Variants in KCNN2 observed in about 807,000 individuals in gnomAD.
KCNN2 encodes the protein small conductance calcium-activated potassium channel protein 2.
In KCNN2, 24 loss-of-function variants were observed where a neutral mutation model predicts 55.5. That is an observed-to-expected ratio of 0.43 (90% CI 0.31 to 0.61). The LOEUF (loss-of-function observed/expected upper bound fraction) is 0.61. Ranked by LOEUF, KCNN2 falls within the 20% of genes least tolerant of loss-of-function variation. The pLI is 0.08. For synonymous variants in KCNN2, 431 were observed against 336.1 expected (o/e 1.28, Z -3.09); for missense variants, 754 against 853.6 (o/e 0.88, Z 1.45).
intron 2 of KCNN2, among the ~76,000 whole-genome samples, chr5:114,324,025 T>C (rs1015766968): frequency 1.3e-5 from 2 of 152,182 alleles, no homozygotes; most frequent in African/African-American, 4.8e-5. Flanking sequence ...ATTACTATAA[T>C]TATAAACCAA....
intron 3 of KCNN2, among the ~76,000 whole-genome samples, chr5:114,449,579 A>G (rs987000625): frequency 2.0e-5 from 3 of 152,130 alleles, no homozygotes; most frequent in African/African-American, 7.2e-5. Context: ...ATTAGGATGC[A>G]CTGCTGTGGG....
chr5:114,198,627 G>A (rs1753609578), intron 1 of KCNN2, among the ~76,000 whole-genome samples: 2 of 151,886 alleles, frequency 1.3e-5, no homozygotes, highest in African/African-American at 2.4e-5. Context: ...ATACCCAGTA[G>A]TTGGAATGCT....
intron 3 of KCNN2, among the ~76,000 whole-genome samples, chr5:114,410,359 A>G (rs1480247284): frequency 6.6e-6 from 1 of 152,322 alleles, no homozygotes; most frequent in East Asian, 1.9e-4. Flanking sequence ...TGCAACAGGT[A>G]GAACTGGATA....
chr5:114,058,630 A>G (rs908737815), intron 1 of KCNN2, among the ~76,000 whole-genome samples: 1 of 152,202 alleles, frequency 6.6e-6, no homozygotes, highest in Non-Finnish European at 1.5e-5. Flanking sequence ...GGGCTCTACC[A>G]GGAGAAAGAA....
At chr5:114,264,127 T>C (rs999328422) in intron 2 of KCNN2, among the ~76,000 whole-genome samples, 1 of 152,234 alleles carries the variant, frequency 6.6e-6, no homozygotes, top group East Asian at 1.9e-4. Flanking sequence ...TGATCAATTC[T>C]GTCTTGTAGT....
chr5:114,181,771 C>A (rs1051024396), intron 1 of KCNN2, among the ~76,000 whole-genome samples: 6 of 152,096 alleles, frequency 3.9e-5, no homozygotes, highest in Non-Finnish European at 8.8e-5. Context: ...AATCCCAGCA[C>A]TTTGGGAGGC....
intron 2 of KCNN2, among the ~76,000 whole-genome samples, chr5:114,269,395 C>A (rs1311080614): frequency 6.6e-6 from 1 of 152,086 alleles, no homozygotes; most frequent in Admixed American, 6.6e-5. Context: ...CATGGCCTTT[C>A]CTGAAATGAA....
Position 114,241,756 on chromosome 5 carries a change from ATATATAC to A in KCNN2, c.-185+20192_-185+20198del, listed in dbSNP as rs1754636118. ...TACATATATACGTATATATATGTAT[ATATATAC>A]GTATATATATACATATATACGTATA... On this transcript the variant is annotated intron_variant, in intron 2 of 10. Coordinates refer to the KCNN2 transcript ENST00000512097. Among the ~76,000 whole-genome samples, 2 of 22,974 alleles carry A rather than the reference ATATATAC, an allele frequency of 8.7e-5. 1 individual carries two copies. The highest frequency in any genetic ancestry group is 4.4e-4 in the African/African-American group (2 of 4,524). The allele number at this position is 22,974 out of a possible 152,430, so 15.1% of individuals were successfully genotyped here.
At position 114,100,467 on chromosome 5, in the gene KCNN2, C is replaced by G. The variant is rs145600659; in HGVS notation, c.-271+43967C>G. Among the ~76,000 whole-genome samples, 375 of 152,156 alleles carry G rather than the reference C, an allele frequency of 2.5e-3. 6 individuals carry two copies. The highest frequency in any genetic ancestry group is 8.7e-3 in the African/African-American group (359 of 41,496). On this transcript the variant is annotated intron_variant, in intron 1 of 10. Coordinates refer to the KCNN2 transcript ENST00000512097. ...TAATCAAGGAACTAAGTATATTGTTCATGGAAACCAGTGTTCTCACTGCAG... is the reference window on the plus strand; with the variant it reads ...TAATCAAGGAACTAAGTATATTGTTGATGGAAACCAGTGTTCTCACTGCAG...
intron 2 of KCNN2, among the ~76,000 whole-genome samples, chr5:114,372,333 G>A (rs1174048899): frequency 1.3e-5 from 2 of 152,224 alleles, no homozygotes; most frequent in East Asian, 1.9e-4. Context: ...TTGTTGTTGA[G>A]CCATCTGCTC....
At chr5:114,390,883 C>CT (rs2150063353) in intron 2 of KCNN2, among the ~76,000 whole-genome samples, 1 of 152,162 alleles carries the variant, frequency 6.6e-6, no homozygotes, top group Admixed American at 6.5e-5. Flanking sequence ...CATGCATTGC[C>CT]TTTTTTGGGA....
Position 114,375,976 on chromosome 5 carries a change from A to G in KCNN2, c.1218+11975A>G, listed in dbSNP as rs990574154. 5.1e-4 allele frequency among the ~76,000 whole-genome samples: 73 copies of G among 143,136 alleles called. 1 individual carries two copies. Among genetic ancestry groups the G allele is most frequent in the African/African-American group, 1.5e-3 (60 of 38,760 alleles). The allele number at this position is 143,136 out of a possible 152,430, so 93.9% of individuals were successfully genotyped here. A position where few individuals can be genotyped will look rare whatever the true frequency, so the allele number is the denominator to read the frequency against. On this transcript the variant is annotated intron_variant, in intron 2 of 7. Transcript: ENST00000673685. ...TGTATATATATATATATATATATAT[A>G]TGTATTTTTTTCCTTTAGCATATCT...
intron 3 of KCNN2, among the ~76,000 whole-genome samples, chr5:114,428,592 T>C (rs1302315254): frequency 6.6e-6 from 1 of 152,168 alleles, no homozygotes; most frequent in African/African-American, 2.4e-5. Flanking sequence ...TTAATACTAA[T>C]GTCTTTGTGA....
intron 2 of KCNN2, among the ~76,000 whole-genome samples, chr5:114,283,043 T>G (rs1259067603): frequency 6.6e-6 from 1 of 152,210 alleles, no homozygotes; most frequent in Admixed American, 6.5e-5. Context: ...TTTGTTTTTA[T>G]TCATTCTGCA....
In KCNN2 at chr5:114,266,857, A is replaced by T. The variant is rs1397826119; in HGVS notation, c.-185+45292A>T. Among the ~76,000 whole-genome samples the T allele has an allele frequency of 8.5e-5, 13 of 152,196 alleles. 1 individual carries two copies. Among genetic ancestry groups the T allele is most frequent in the Admixed American group, 8.5e-4 (13 of 15,276 alleles). Reference sequence around the variant, plus strand: ...CCAGCATCTCCTTGTAAAGTTTTGCAGTTTTTCCTAAGATGTCTTATATAT... The same window carrying T: ...CCAGCATCTCCTTGTAAAGTTTTGCTGTTTTTCCTAAGATGTCTTATATAT... On this transcript the variant is annotated intron_variant, in intron 2 of 10. Coordinates refer to the KCNN2 transcript ENST00000512097.
chr5:114,300,242 T>G (rs1756125205), intron 2 of KCNN2, among the ~76,000 whole-genome samples: 1 of 152,208 alleles, frequency 6.6e-6, no homozygotes, highest in South Asian at 2.1e-4. Flanking sequence ...CTTTCAAGAT[T>G]ATTGCCTCTA....
chr5:114,120,115 A>G (rs1420398468), intron 1 of KCNN2, among the ~76,000 whole-genome samples: 1 of 152,216 alleles, frequency 6.6e-6, no homozygotes, highest in Non-Finnish European at 1.5e-5. Flanking sequence ...TTTTTTTAAA[A>G]GAATAAAGCC....
intron 1 of KCNN2, among the ~76,000 whole-genome samples, chr5:114,152,664 C>T (rs149324795): frequency 3.3e-5 from 5 of 152,220 alleles, no homozygotes; most frequent in African/African-American, 1.2e-4. Context: ...AGAACACAGT[C>T]TGGTGGGGAA....
At chr5:114,443,046 A>T (rs1760274939) in intron 3 of KCNN2, among the ~76,000 whole-genome samples, 1 of 152,140 alleles carries the variant, frequency 6.6e-6, no homozygotes, top group South Asian at 2.1e-4. Flanking sequence ...TAATCCCAGC[A>T]CTGTGGGAGG....
Sources: gnomAD v4.1 joint callset for allele counts (sites outside exome capture counted in the v4.1 genomes callset) on GRCh38, gnomAD v4.1.1 for gene constraint, MANE v1.5 for transcripts, NCBI Gene and HGNC (gene_info 2026-07-23, HGNC 2026-07-21) for gene names.